The following SNX31 variants were observed in gnomAD, a reference collection of about 807,000 sequenced individuals.
SNX31 encodes the protein sorting nexin-31.
Under a neutral mutation model 65.4 loss-of-function variants are expected in SNX31, and 58 were observed. The observed-to-expected ratio is 0.89, with a 90% CI of 0.72 to 1.10. The LOEUF (loss-of-function observed/expected upper bound fraction) is 1.10. SNX31 is among the 50% of genes least tolerant of loss of function. SNX31 has a pLI of 0.00. For synonymous variants in SNX31, 181 were observed against 190.1 expected (o/e 0.95, Z 0.39); for missense variants, 523 against 529.7 (o/e 0.99, Z 0.12).
intron 5 of SNX31, among the ~76,000 whole-genome samples, chr8:100,616,444 C>G (rs1264436579): frequency 1.3e-5 from 2 of 152,348 alleles, no homozygotes; most frequent in African/African-American, 4.8e-5. Context: ...TCTATCACTG[C>G]CTTCCTACTC....
chr8:100,655,568 T>G (rs1820041678), intron 1 of SNX31, among the ~76,000 whole-genome samples: 1 of 152,246 alleles, frequency 6.6e-6, no homozygotes, highest in South Asian at 2.1e-4. Context: ...AAGAAGTGCC[T>G]TTCAGCTTCT....
chr8:100,641,633 T>TAA lies in SNX31; in HGVS notation c.142-5623_142-5622insTT, dbSNP rs1408049130. Among the ~76,000 whole-genome samples the TAA allele has an allele frequency of 6.5e-4, 20 of 30,934 alleles. No homozygotes were observed. The South Asian group carries it at 0.025, about 38-fold the overall frequency. 20.3% of individuals were successfully genotyped at this position (30,934 alleles called of 152,430 possible). A position where few individuals can be genotyped will look rare whatever the true frequency, so the allele number is the denominator to read the frequency against. ...ACACACGCACACACGCGCATATATATATATATATATATATATATATATATA... is the reference window on the plus strand; with the variant it reads ...ACACACGCACACACGCGCATATATATAAATATATATATATATATATATATATA... On this transcript the variant is annotated intron_variant, in intron 2 of 13. Transcript: ENST00000311812.
At chr8:100,657,254 A>G (rs1820066202) in intron 1 of SNX31, among the ~76,000 whole-genome samples, 1 of 152,060 alleles carries the variant, frequency 6.6e-6, no homozygotes. Flanking sequence ...GGAGTTCAAG[A>G]CCAGCCTGAC....
intron 10 of SNX31, among the ~76,000 whole-genome samples, chr8:100,592,583 C>A (rs1814686823): frequency 6.6e-6 from 1 of 152,158 alleles, no homozygotes; most frequent in South Asian, 2.1e-4. Flanking sequence ...AAAAGTTAAA[C>A]ACAGAATTAT....
At chr8:100,602,297 C>T (rs1815715364) in intron 8 of SNX31, among the ~76,000 whole-genome samples, 1 of 152,130 alleles carries the variant, frequency 6.6e-6, no homozygotes, top group African/African-American at 2.4e-5. Flanking sequence ...TTAAATATTG[C>T]TGTTTAGGCT....
chr8:100,661,709 T>C (rs1809791582), intron 1 of SNX31, among the ~76,000 whole-genome samples: 1 of 152,040 alleles, frequency 6.6e-6, no homozygotes, highest in African/African-American at 2.4e-5. Flanking sequence ...TTTTTTTATT[T>C]TGTAGAAACT....
At chr8:100,655,404 T>C (rs1235979678) in intron 1 of SNX31, among the ~76,000 whole-genome samples, 1 of 152,134 alleles carries the variant, frequency 6.6e-6, no homozygotes, top group Non-Finnish European at 1.5e-5. Flanking sequence ...AATTCTCACA[T>C]GTTGTGGGAG....
chr8:100,649,411 C>CCCCACCCAG, intron 1 of SNX31, 38 bp downstream of exon 1: 1 of 1,590,646 alleles, frequency 6.3e-7, no homozygotes, highest in Non-Finnish European at 8.6e-7. Flanking sequence ...TGCCACCGGC[C>CCCCACCCAG]CCCTCCCTGC....
At chr8:100,628,813 GGTGTGT>G (rs35911139) in intron 4 of SNX31, among the ~76,000 whole-genome samples, 2,781 of 144,072 alleles carry the variant, frequency 0.019, 29 homozygotes, top group Non-Finnish European at 0.028. Flanking sequence ...AAATAAAATG[GGTGTGT>G]GTGTGTGTGT....
At chr8:100,658,193 C>A in intron 1 of SNX31, among the ~76,000 whole-genome samples, 1 of 152,140 alleles carries the variant, frequency 6.6e-6, no homozygotes, top group Non-Finnish European at 1.5e-5. Flanking sequence ...CCACTGTGGT[C>A]AGAGCCCCTC....
chr8:100,627,928 A>G (rs1375151530), intron 4 of SNX31, among the ~76,000 whole-genome samples: 2 of 152,240 alleles, frequency 1.3e-5, no homozygotes, highest in Non-Finnish European at 2.9e-5. Flanking sequence ...AAGTGGGCAA[A>G]GGATATGAAC....
At chr8:100,603,668 C>T (rs1015253954) in intron 8 of SNX31, among the ~76,000 whole-genome samples, 3 of 151,704 alleles carry the variant, frequency 2.0e-5, no homozygotes, top group Admixed American at 6.6e-5. Context: ...AACTCCTGAC[C>T]TCAGATACCT....
intron 4 of SNX31, among the ~76,000 whole-genome samples, chr8:100,620,516 T>C (rs1563559072): frequency 6.6e-6 from 1 of 152,224 alleles, no homozygotes; most frequent in Non-Finnish European, 1.5e-5. Flanking sequence ...CTAAGTTCTT[T>C]AGAAGAGAAA....
chr8:100,621,743 C>T (rs1817710158), intron 4 of SNX31, among the ~76,000 whole-genome samples: 1 of 152,252 alleles, frequency 6.6e-6, no homozygotes, highest in African/African-American at 2.4e-5. Context: ...AACATCCTAA[C>T]ATTATTCATA....
intron 12 of SNX31, among the ~76,000 whole-genome samples, chr8:100,577,602 A>G (rs1343934307): frequency 6.6e-6 from 1 of 152,192 alleles, no homozygotes; most frequent in East Asian, 1.9e-4. Context: ...CCGTTTAACT[A>G]TTTAATGGAG....
chr8:100,574,858 T>G (rs1586820977), intron 13 of SNX31, among the ~76,000 whole-genome samples: 1 of 152,146 alleles, frequency 6.6e-6, no homozygotes, highest in East Asian at 1.9e-4. Context: ...CGCTTGAACC[T>G]GGGAGGTGGA....
intron 2 of SNX31, among the ~76,000 whole-genome samples, chr8:100,637,138 A>G (rs1227697649): frequency 6.6e-6 from 1 of 152,162 alleles, no homozygotes; most frequent in Non-Finnish European, 1.5e-5. Context: ...CTCATATATG[A>G]CCCATGACCA....
chr8:100,579,317 A>G (rs1813304012), intron 12 of SNX31, among the ~76,000 whole-genome samples: 1 of 152,108 alleles, frequency 6.6e-6, no homozygotes, highest in Non-Finnish European at 1.5e-5. Context: ...GGCCTTCAAT[A>G]CTTTATGTAC....
upstream of SNX31, among the ~76,000 whole-genome samples, chr8:100,651,550 C>T (rs965992792): frequency 4.6e-5 from 7 of 152,204 alleles, no homozygotes; most frequent in Admixed American, 2.0e-4. Context: ...TGCAAGTCAC[C>T]GTCCTCTTGC....
Sources: gnomAD v4.1 joint callset for allele counts (sites outside exome capture counted in the v4.1 genomes callset) on GRCh38, gnomAD v4.1.1 for gene constraint, MANE v1.5 for transcripts, NCBI Gene and HGNC (gene_info 2026-07-23, HGNC 2026-07-21) for gene names.